CCDC60: variants seen among roughly 807,000 people sequenced by gnomAD.
CCDC60 encodes coiled-coil domain containing 60.
Under a neutral mutation model 63.5 loss-of-function variants are expected in CCDC60, and 54 were observed. The ratio of observed to expected loss-of-function variants is 0.85; its 90% confidence interval spans 0.68 to 1.07. The LOEUF is 1.07. CCDC60 is among the 50% of genes least tolerant of loss of function. The pLI, the probability that CCDC60 is intolerant of heterozygous loss-of-function variation, is 0.00. For missense variants in CCDC60, 651 were observed against 684.3 expected, an observed-to-expected ratio of 0.95 and a Z score of 0.54; for synonymous variants, 206 against 238.8, an observed-to-expected ratio of 0.86 and a Z score of 1.27.
intron 1 of CCDC60, among the ~76,000 whole-genome samples, chr12:119,377,991 A>G (rs953255631): frequency 1.3e-4 from 20 of 152,358 alleles, no homozygotes; most frequent in African/African-American, 2.9e-4. Context: ...TCTTGCAGAG[A>G]GAGAGGAGCT....
At chr12:119,491,374 G>A (rs1017900225) in intron 5 of CCDC60, among the ~76,000 whole-genome samples, 14 of 152,098 alleles carry the variant, frequency 9.2e-5, no homozygotes, top group African/African-American at 3.4e-4. Flanking sequence ...TGTCGCCCAG[G>A]CTGGAGTACA....
At chr12:119,409,665 T>C (rs921153086) in intron 1 of CCDC60, among the ~76,000 whole-genome samples, 3 of 152,250 alleles carry the variant, frequency 2.0e-5, no homozygotes, top group African/African-American at 7.2e-5. Context: ...TTCTGTGTTC[T>C]AATAAAACTT....
chr12:119,506,000 TTTATTA>T (rs1245543102), intron 7 of CCDC60, among the ~76,000 whole-genome samples: 1 of 152,214 alleles, frequency 6.6e-6, no homozygotes, highest in East Asian at 1.9e-4. Flanking sequence ...TTTAAACAGC[TTTATTA>T]TTGAGATATA....
At chr12:119,412,763 A>AC (rs150785942) in intron 1 of CCDC60, among the ~76,000 whole-genome samples, 1,210 of 88,040 alleles carry the variant, frequency 0.014, 7 homozygotes, top group East Asian at 0.079. Flanking sequence ...AAAGCCCCCC[A>AC]CCCCCCCCCA....
rs551568846 is a variant in CCDC60 at position 119,477,483 on chromosome 12, A to AC, written c.342-1610dup. ...GTGTTTGGTTGTACCCATCTCCCCC[A>AC]CTAGACTCAGCTTCGGAAGAGGAGA... is the stretch of plus-strand genomic sequence containing the variant. On this transcript the variant is annotated intron_variant, in intron 3 of 13. Transcript: ENST00000327554. Among the ~76,000 whole-genome samples, 229 of 152,342 alleles carry AC rather than the reference A, an allele frequency of 1.5e-3. 3 individuals carry two copies. The highest frequency in any genetic ancestry group is 0.014 in the Admixed American group (217 of 15,302).
At chr12:119,342,530 G>A (rs1955543351) in intron 1 of CCDC60, among the ~76,000 whole-genome samples, 1 of 151,988 alleles carries the variant, frequency 6.6e-6, no homozygotes, top group East Asian at 1.9e-4. Context: ...TTGACAGAGG[G>A]TAACCCAAAA....
intron 1 of CCDC60, among the ~76,000 whole-genome samples, chr12:119,374,176 A>G (rs973896246): frequency 6.6e-6 from 1 of 152,132 alleles, no homozygotes; most frequent in East Asian, 1.9e-4. Flanking sequence ...TGGCTGTTAG[A>G]CTTTCATCTA....
intron 1 of CCDC60, among the ~76,000 whole-genome samples, chr12:119,353,753 G>A (rs1306624543): frequency 6.6e-6 from 1 of 151,856 alleles, no homozygotes; most frequent in East Asian, 1.9e-4. Context: ...GATTACAGGT[G>A]CCCACCACCA....
At chr12:119,533,298 C>G (rs1216015368) in intron 13 of CCDC60, among the ~76,000 whole-genome samples, 2 of 151,798 alleles carry the variant, frequency 1.3e-5, no homozygotes, top group Non-Finnish European at 2.9e-5. Flanking sequence ...GTTTAAGTTC[C>G]TTGTAGATTC....
intron 2 of CCDC60, among the ~76,000 whole-genome samples, chr12:119,436,524 C>T (rs1395080337): frequency 6.9e-6 from 1 of 144,738 alleles, no homozygotes; most frequent in Non-Finnish European, 1.5e-5. Context: ...AGCGAGTCCC[C>T]TTGAGTGATG....
chr12:119,472,721 C>G (rs1351460782), intron 3 of CCDC60, among the ~76,000 whole-genome samples: 1 of 151,838 alleles, frequency 6.6e-6, no homozygotes, highest in Admixed American at 6.6e-5. Flanking sequence ...GCTGGGATTA[C>G]AGGTGCCCAC....
chr12:119,442,632 C>T (rs1033840865), intron 2 of CCDC60, among the ~76,000 whole-genome samples: 9 of 152,118 alleles, frequency 5.9e-5, no homozygotes, highest in Non-Finnish European at 8.8e-5. Context: ...AAAACCATAA[C>T]GAAAATAACA....
At position 119,428,675 on chromosome 12, in the gene CCDC60, C is replaced by G. The variant is rs775227374; in HGVS notation, c.91-8C>G. ...TCCTTTTATTTTAACCCCTTGTCTT[C>G]TCATCAGGTCCCAGACAAGCCAATG... On this transcript the variant is annotated splice_region_variant and splice_polypyrimidine_tract_variant and intron_variant, in intron 1 of 13. Transcript: ENST00000327554. The G allele has an allele frequency of 3.8e-6, 6 of 1,578,794 alleles. No individual in the cohort carries two copies. Among genetic ancestry groups the G allele is most frequent in the Non-Finnish European group, 1.7e-6 (2 of 1,152,980 alleles).
At chr12:119,367,453 A>C (rs1210392644) in intron 1 of CCDC60, among the ~76,000 whole-genome samples, 1 of 152,198 alleles carries the variant, frequency 6.6e-6, no homozygotes, top group Non-Finnish European at 1.5e-5. Flanking sequence ...CAAACTCTGC[A>C]TTTGAAATAT....
chr12:119,439,650 C>A (rs1245078953), intron 2 of CCDC60, among the ~76,000 whole-genome samples: 1 of 152,180 alleles, frequency 6.6e-6, no homozygotes, highest in South Asian at 2.1e-4. Flanking sequence ...GTATACTGAG[C>A]AGGTCACCTG....
At chr12:119,510,344 A>T (rs191700144) in intron 7 of CCDC60, among the ~76,000 whole-genome samples, 159 of 152,244 alleles carry the variant, frequency 1.0e-3, no homozygotes, top group African/African-American at 3.7e-3. Context: ...ACACTCTTGT[A>T]TGACTCTCTC....
chr12:119,363,640 G>C (rs1051496344), intron 1 of CCDC60, among the ~76,000 whole-genome samples: 7 of 152,104 alleles, frequency 4.6e-5, no homozygotes, highest in African/African-American at 1.4e-4. Flanking sequence ...TCATACATTT[G>C]CTCCATCTGG....
rs573307086 is a variant in CCDC60 at position 119,400,075 on chromosome 12, AGTCTCACTCTGTC to A, written c.91-28606_91-28594del. Among the ~76,000 whole-genome samples, 497 of 120,338 alleles carry A rather than the reference AGTCTCACTCTGTC, an allele frequency of 4.1e-3. 4 individuals carry two copies. Among genetic ancestry groups the A allele is most frequent in the Middle Eastern group, 0.037 (6 of 160 alleles). The allele number at this position is 120,338 out of a possible 152,430, so 78.9% of individuals were successfully genotyped here. ...TTTTTTTTTTTTTTTTTTGAGACGG[AGTCTCACTCTGTC>A]GCCCAGGCTGGAGTGCAGTGGCGCG... On this transcript the variant is annotated intron_variant, in intron 1 of 13. Transcript: ENST00000327554.
In CCDC60 at chr12:119,441,684, G is replaced by A. The variant is rs993269197; in HGVS notation, c.170+12922G>A. 2.0e-5 allele frequency among the ~76,000 whole-genome samples: 3 copies of A among 152,116 alleles called. No homozygotes were observed. The East Asian group carries it at 5.8e-4, about 29-fold the overall frequency. ...TACCTGGTTTCTTTCACTCAATATT[G>A]TCTTTCTGAGATTTATCCATATTGT... is the stretch of plus-strand genomic sequence containing the variant. On this transcript the variant is annotated intron_variant, in intron 2 of 13. Coordinates refer to ENST00000327554, the MANE Select transcript of CCDC60 (RefSeq NM_178499.5).
Sources: allele counts gnomAD v4.1 joint callset (sites outside exome capture counted in the v4.1 genomes callset), GRCh38; gene constraint gnomAD v4.1.1; transcripts MANE v1.5; gene names NCBI Gene and HGNC (gene_info 2026-07-23, HGNC 2026-07-21).